Variants in GLS observed in about 807,000 individuals in gnomAD.
GLS encodes glutaminase kidney isoform, mitochondrial.
A neutral mutation model predicts 86.7 loss-of-function variants in GLS; 36 were observed. The ratio of observed to expected loss-of-function variants is 0.42; its 90% CI spans 0.32 to 0.55. The LOEUF (loss-of-function observed/expected upper bound fraction) is 0.55. GLS is among the 20% of genes least tolerant of loss of function. The pLI, the probability that GLS is intolerant of heterozygous loss-of-function variation, is 0.17. For missense variants in GLS, 528 were observed against 833.4 expected (o/e 0.63, Z 4.51); for synonymous variants, 317 against 305.9 (o/e 1.04, Z -0.38).
rs577629266 is a variant in GLS at position 190,947,655 on chromosome 2, C to T, written c.1651-5910C>T. On this transcript the variant is annotated intron_variant, in intron 14 of 17. Coordinates refer to ENST00000320717, the MANE Select transcript of GLS (RefSeq NM_014905.5). The surrounding 1 kb of genome is among the most constrained non-coding windows in gnomAD (Gnocchi z 5.0). Reference sequence around the variant, plus strand: ...ATTTATCAAAACATAGCTTCCATGCCTCTGGCATTTACTGTTAACCCATTA... The same window carrying T: ...ATTTATCAAAACATAGCTTCCATGCTTCTGGCATTTACTGTTAACCCATTA... Among the ~76,000 whole-genome samples, 2 of 152,282 alleles carry T rather than the reference C, an allele frequency of 1.3e-5. No individual in the cohort carries two copies. The highest frequency in any genetic ancestry group is 1.3e-4 in the Admixed American group (2 of 15,290).
At chr2:190,927,229 C>A (rs1689926797) in intron 11 of GLS, 77 bp from the exon 12 acceptor site, 3 of 1,049,200 alleles carry the variant, frequency 2.9e-6, no homozygotes, top group African/African-American at 3.3e-5. Flanking sequence ...TATGAAATAC[C>A]AAATAAAATA....
intron 3 of GLS, among the ~76,000 whole-genome samples, chr2:190,896,973 A>G (rs1688764857): frequency 6.6e-6 from 1 of 152,010 alleles, no homozygotes; most frequent in Admixed American, 6.6e-5. Flanking sequence ...TGGTTGGTAG[A>G]TCTGTTGATA....
At position 190,921,186 on chromosome 2, in the gene GLS, T is replaced by C; in HGVS notation, c.1113T>C (p.Val371=). The C allele has an allele frequency of 6.2e-7, 1 of 1,605,932 alleles. No homozygotes were observed. The highest frequency in any genetic ancestry group is 8.5e-7 in the Non-Finnish European group (1 of 1,172,960). Residue 371 remains valine, a synonymous_variant, in exon 9 of 18, where the codon GTT becomes GTC. Transcript: ENST00000320717. The surrounding 1 kb of genome is among the most constrained non-coding windows in gnomAD (Gnocchi z 4.2). ...FLNKMAGNEY[V]GFSNATFQSE... Reference sequence around the variant, plus strand: ...ATAAGATGGCTGGTAATGAATATGTTGGATTCAGTAATGCAACGTGAGTGT... The same window carrying C: ...ATAAGATGGCTGGTAATGAATATGTCGGATTCAGTAATGCAACGTGAGTGT...
rs1272641938 is a variant in GLS, at chr2:190,881,476, T to C, written c.386+6T>C. 2.0e-6 allele frequency: 3 copies of C among 1,536,776 alleles called. No homozygotes were observed. Among genetic ancestry groups the C allele is most frequent in the Non-Finnish European group, 2.6e-6 (3 of 1,140,736 alleles). On this transcript the variant is annotated splice_donor_region_variant and intron_variant, in intron 1 of 17. Transcript: ENST00000320717. Reference sequence around the variant, plus strand: ...CTGGTGGCCTCAGGTGAAAAGTGAGTGTCTCCGCGAGGCGCAGGAGGCCTC... The same window carrying C: ...CTGGTGGCCTCAGGTGAAAAGTGAGCGTCTCCGCGAGGCGCAGGAGGCCTC...
At chr2:190,887,885 A>G (rs1209827956) in intron 1 of GLS, among the ~76,000 whole-genome samples, 1 of 152,178 alleles carries the variant, frequency 6.6e-6, no homozygotes, top group South Asian at 2.1e-4. Context: ...TTTTTAGGAT[A>G]TAAGGTAATG....
At chr2:190,936,235 G>A (rs1299434940) in intron 14 of GLS, among the ~76,000 whole-genome samples, 2 of 150,986 alleles carry the variant, frequency 1.3e-5, no homozygotes, top group African/African-American at 4.8e-5. Flanking sequence ...ATCTGACAGT[G>A]TATATTTAAT....
At chr2:190,915,351 C>T (rs1351887723) in intron 7 of GLS, among the ~76,000 whole-genome samples, 1 of 151,994 alleles carries the variant, frequency 6.6e-6, no homozygotes, top group East Asian at 1.9e-4. Context: ...TTTCAAACAA[C>T]CCATATGGGT....
rs140258131 is a variant in GLS, at chr2:190,949,966, T to C, written c.1651-3599T>C. Among the ~76,000 whole-genome samples the C allele has an allele frequency of 8.0e-5, 12 of 149,524 alleles. 1 individual carries two copies. The East Asian group carries it at 9.7e-4, about 12-fold the overall frequency. The stretch of plus-strand genomic sequence containing the variant: ...TATATATAGTTATATATAACAAATA[T>C]AGTTAAAAAGGATATAGTTAACAAT... On this transcript the variant is annotated intron_variant, in intron 14 of 17. Transcript: ENST00000320717. The surrounding 1 kb of genome is among the most constrained non-coding windows in gnomAD (Gnocchi z 4.0).
intron 7 of GLS, among the ~76,000 whole-genome samples, chr2:190,918,339 T>C (rs538273455): frequency 1.0e-3 from 154 of 152,292 alleles, no homozygotes; most frequent in African/African-American, 3.5e-3. Context: ...CTTGTACTTT[T>C]ATGTTATGGA....
intron 7 of GLS, among the ~76,000 whole-genome samples, chr2:190,918,328 C>T (rs1012781835): frequency 6.6e-6 from 1 of 152,112 alleles, no homozygotes; most frequent in African/African-American, 2.4e-5. Context: ...CATTGTTTCA[C>T]CTTGTACTTT....
At chr2:190,944,307 T>G (rs1462170647) in intron 14 of GLS, among the ~76,000 whole-genome samples, 1 of 152,172 alleles carries the variant, frequency 6.6e-6, no homozygotes, top group Non-Finnish European at 1.5e-5. Flanking sequence ...GTTTTTTAAA[T>G]ATAGCACTTT....
chr2:190,913,200 G>A lies in GLS; in HGVS notation c.1038+2879G>A. ...GATATTTTTTCCTTGTAGGATTGGT[G>A]GTGATCCTCAGGAAATGGGGGAAGA... On this transcript the variant is annotated intron_variant, in intron 7 of 17. Coordinates refer to ENST00000320717, the MANE Select transcript of GLS (RefSeq NM_014905.5). This position sits in a 1 kb window ranked among gnomAD's most constrained non-coding sequence, Gnocchi z 6.1. 3 of 1,296,306 alleles carry A rather than the reference G, an allele frequency of 2.3e-6. No individual in the cohort carries two copies. Among genetic ancestry groups the A allele is most frequent in the Non-Finnish European group, 3.1e-6 (3 of 981,820 alleles). 80.3% of individuals were successfully genotyped at this position (1,296,306 alleles called of 1,614,324 possible).
At chr2:190,944,880 T>C (rs982204647) in intron 14 of GLS, among the ~76,000 whole-genome samples, 1 of 152,174 alleles carries the variant, frequency 6.6e-6, no homozygotes, top group Admixed American at 6.5e-5. Flanking sequence ...ATTTCTTTTG[T>C]TCTTTTATTT....
chr2:190,936,596 C>T (rs781426474), intron 14 of GLS, among the ~76,000 whole-genome samples: 1 of 150,902 alleles, frequency 6.6e-6, no homozygotes, highest in Non-Finnish European at 1.5e-5. Context: ...TTTCTGTTAC[C>T]ATTCCCATTC....
intron 14 of GLS, among the ~76,000 whole-genome samples, chr2:190,937,518 T>C (rs903770214): frequency 3.3e-5 from 5 of 151,440 alleles, no homozygotes; most frequent in African/African-American, 1.2e-4. Flanking sequence ...TAAAATAGTA[T>C]GTTAAGTAGA....
At chr2:190,902,715 G>T (rs78015152) in intron 5 of GLS, among the ~76,000 whole-genome samples, 1 of 152,168 alleles carries the variant, frequency 6.6e-6, no homozygotes, top group Admixed American at 6.5e-5. Context: ...ATTGTGCTGG[G>T]AATTAGACAT....
intron 14 of GLS, among the ~76,000 whole-genome samples, chr2:190,950,214 G>A (rs1016099873): frequency 6.6e-6 from 1 of 152,066 alleles, no homozygotes; most frequent in African/African-American, 2.4e-5. Flanking sequence ...GAGTAGAGCT[G>A]GAAAGGGAAG....
intron 14 of GLS, among the ~76,000 whole-genome samples, chr2:190,948,591 A>C (rs1690637827): frequency 6.6e-6 from 1 of 152,220 alleles, no homozygotes; most frequent in Admixed American, 6.5e-5. Flanking sequence ...TTTATTGCTT[A>C]GAAGTACCAA....
At chr2:190,946,785 G>A (rs1690586239) in intron 14 of GLS, among the ~76,000 whole-genome samples, 1 of 151,984 alleles carries the variant, frequency 6.6e-6, no homozygotes, top group South Asian at 2.1e-4. Flanking sequence ...GAGCTAAATT[G>A]ATATTTAATC....
Sources: gnomAD v4.1 joint callset for allele counts (sites outside exome capture counted in the v4.1 genomes callset) on GRCh38, gnomAD v4.1.1 for gene constraint, Gnocchi (gnomAD v3.1) non-coding constraint, MANE v1.5 for transcripts, NCBI Gene and HGNC (gene_info 2026-07-23, HGNC 2026-07-21) for gene names.